The following TRHDE variants were observed in gnomAD, a reference collection of about 807,000 sequenced individuals.
The protein encoded by TRHDE is thyrotropin releasing hormone degrading enzyme, also known as thyrotropin-releasing hormone-degrading ectoenzyme.
Under a neutral mutation model 125.7 loss-of-function variants are expected in TRHDE, and 72 were observed. The observed-to-expected ratio is 0.57, with a 90% CI of 0.47 to 0.70. The LOEUF is 0.70. Among genes scored for constraint, TRHDE ranks in the 30% least tolerant of loss-of-function variants. The pLI is 0.00. For missense variants in TRHDE, 1,110 were observed against 1,327.1 expected (o/e 0.84, Z 2.54); for synonymous variants, 509 against 509.1 (o/e 1.00, Z 0.00).
chr12:72,581,381 C>T (rs1352956920), intron 12 of TRHDE, among the ~76,000 whole-genome samples: 1 of 152,034 alleles, frequency 6.6e-6, no homozygotes, highest in Non-Finnish European at 1.5e-5. Flanking sequence ...TGAAAATATC[C>T]AAAATACATG....
chr12:72,234,891 C>A (rs542558521), intron 2 of TRHDE, among the ~76,000 whole-genome samples: 1 of 152,252 alleles, frequency 6.6e-6, no homozygotes, highest in Non-Finnish European at 1.5e-5. Context: ...TTTATTAAGT[C>A]TTTGCAATGC....
intron 2 of TRHDE, among the ~76,000 whole-genome samples, chr12:72,148,271 T>A (rs930097906): frequency 2.6e-5 from 4 of 152,312 alleles, no homozygotes; most frequent in Middle Eastern, 3.4e-3. Context: ...ATGTAAAGAA[T>A]CCAACAGCAT....
intron 6 of TRHDE, among the ~76,000 whole-genome samples, chr12:72,540,138 T>C (rs545926393): frequency 6.6e-6 from 1 of 151,842 alleles, no homozygotes; most frequent in South Asian, 2.1e-4. Flanking sequence ...CATCTGTCTA[T>C]GAAGTTCTAT....
chr12:72,659,971 G>C (rs149756652), intron 18 of TRHDE, among the ~76,000 whole-genome samples: 151 of 152,186 alleles, frequency 9.9e-4, no homozygotes, highest in African/African-American at 3.5e-3. Flanking sequence ...CTACCACCAA[G>C]ATGAGGAGAC....
At chr12:72,285,970 G>A (rs897909695) in intron 1 of TRHDE, among the ~76,000 whole-genome samples, 1 of 152,190 alleles carries the variant, frequency 6.6e-6, no homozygotes, top group Non-Finnish European at 1.5e-5. Context: ...GGTTGAAGAT[G>A]TGAATTAGCA....
At chr12:72,662,982 G>T in intron 18 of TRHDE, 70 bp from the exon 19 acceptor site, 3 of 1,450,576 alleles carry the variant, frequency 2.1e-6, no homozygotes, top group Non-Finnish European at 9.4e-7. Context: ...ATAGATTCTT[G>T]TTCATGTTTG....
chr12:72,120,881 T>C (rs1015888456), intron 2 of TRHDE, among the ~76,000 whole-genome samples: 1 of 151,888 alleles, frequency 6.6e-6, no homozygotes, highest in African/African-American at 2.4e-5. Context: ...GGTTTCACCA[T>C]TTTGGCCAAA....
chr12:72,445,603 A>G (rs1875237409), intron 3 of TRHDE, among the ~76,000 whole-genome samples: 1 of 151,934 alleles, frequency 6.6e-6, no homozygotes, highest in Non-Finnish European at 1.5e-5. Context: ...GTTACCAAAT[A>G]TATCGTTCAT....
chr12:72,130,065 G>A (rs1875825466), intron 2 of TRHDE, among the ~76,000 whole-genome samples: 1 of 152,192 alleles, frequency 6.6e-6, no homozygotes, highest in Admixed American at 6.5e-5. Context: ...ACTTTAGGGG[G>A]CTGAGGTGGG....
intron 2 of TRHDE, among the ~76,000 whole-genome samples, chr12:72,202,308 T>C (rs1477856717): frequency 6.6e-6 from 1 of 152,198 alleles, no homozygotes; most frequent in Non-Finnish European, 1.5e-5. Flanking sequence ...GTCATGTATT[T>C]ATTCATTTAG....
At chr12:72,096,952 T>C (rs1050481953) in intron 1 of TRHDE, among the ~76,000 whole-genome samples, 1 of 152,020 alleles carries the variant, frequency 6.6e-6, no homozygotes, top group Non-Finnish European at 1.5e-5. Context: ...CAGAAAAGAG[T>C]GCTAACAAAA....
chr12:72,613,231 T>C (rs2136071098), intron 12 of TRHDE, among the ~76,000 whole-genome samples: 1 of 152,308 alleles, frequency 6.6e-6, no homozygotes, highest in Non-Finnish European at 1.5e-5. Flanking sequence ...GTATAATGCC[T>C]CTACATGCTC....
chr12:72,512,672 T>C (rs1049654406), intron 6 of TRHDE, among the ~76,000 whole-genome samples: 3 of 145,142 alleles, frequency 2.1e-5, no homozygotes, highest in Non-Finnish European at 4.5e-5. Flanking sequence ...ATATAAATGG[T>C]AATATAGATT....
chr12:72,290,040 G>A (rs986426711), intron 2 of TRHDE, among the ~76,000 whole-genome samples: 1 of 152,178 alleles, frequency 6.6e-6, no homozygotes, highest in Non-Finnish European at 1.5e-5. Flanking sequence ...TAGTATTTAC[G>A]TATTCACGAA....
intron 2 of TRHDE, among the ~76,000 whole-genome samples, chr12:72,208,732 C>T (rs115770745): frequency 0.043 from 6,552 of 152,164 alleles, 310 homozygotes; most frequent in African/African-American, 0.11. Flanking sequence ...TACTTATTGA[C>T]TGTTATTAAT....
intron 2 of TRHDE, among the ~76,000 whole-genome samples, chr12:72,240,305 T>TTTTA (rs1270804569): frequency 9.0e-6 from 1 of 111,362 alleles, no homozygotes; most frequent in Non-Finnish European, 2.2e-5. Flanking sequence ...TTCTCACATT[T>TTTTA]TATATATATA....
chr12:72,563,241 A>G (rs1017841999), intron 9 of TRHDE, among the ~76,000 whole-genome samples: 2 of 152,148 alleles, frequency 1.3e-5, no homozygotes, highest in African/African-American at 4.8e-5. Context: ...AAAAAACACC[A>G]AAGTTATTTG....
chr12:72,218,389 A>G (rs1408570513), intron 2 of TRHDE, among the ~76,000 whole-genome samples: 2 of 152,134 alleles, frequency 1.3e-5, no homozygotes, highest in African/African-American at 2.4e-5. Flanking sequence ...ACCAAATACA[A>G]TGGCCTTTCT....
chr12:72,231,409 C>A (rs1237807589), intron 2 of TRHDE, among the ~76,000 whole-genome samples: 1 of 152,128 alleles, frequency 6.6e-6, no homozygotes, highest in African/African-American at 2.4e-5. Flanking sequence ...CCCCCACCCC[C>A]TTTTGGAGGA....
Sources: allele counts gnomAD v4.1 joint callset (sites outside exome capture counted in the v4.1 genomes callset), GRCh38; gene constraint gnomAD v4.1.1; transcripts MANE v1.5; gene names NCBI Gene and HGNC (gene_info 2026-07-23, HGNC 2026-07-21).